The following EFCAB7 variants were observed in gnomAD, a reference collection of about 807,000 sequenced individuals.
EFCAB7 encodes EF-hand calcium binding domain 7.
Under a neutral mutation model 77.1 loss-of-function variants are expected in EFCAB7, and 66 were observed. The observed-to-expected ratio is 0.86, with a 90% CI of 0.70 to 1.05. The LOEUF (loss-of-function observed/expected upper bound fraction) is 1.05. Ranked by LOEUF, EFCAB7 falls within the 50% of genes least tolerant of loss-of-function variation. The probability of loss-of-function intolerance (pLI) is 0.00; values close to 1 mark genes in which losing one functional copy is unlikely to be tolerated. For missense variants in EFCAB7, 638 were observed against 730.5 expected (o/e 0.87, Z 1.46); for synonymous variants, 225 against 243.3 (o/e 0.92, Z 0.70).
At position 63,532,168 on chromosome 1, in the gene EFCAB7, C is replaced by T. The variant is rs563346524; in HGVS notation, c.399+137C>T. On this transcript the variant is annotated intron_variant, in intron 3 of 13. Transcript: ENST00000371088. ...TGAATTACTTACATGTTATTTATAA[C>T]GTACTTAGGAATCCTTCTGGATGAA... is the stretch of plus-strand genomic sequence containing the variant. 2.5e-4 allele frequency: 168 copies of T among 677,232 alleles called. No homozygotes were observed. The African/African-American group carries it at 2.5e-3, about 10-fold the overall frequency. 42.0% of individuals were successfully genotyped at this position (677,232 alleles called of 1,614,324 possible).
intron 11 of EFCAB7, among the ~76,000 whole-genome samples, chr1:63,565,902 G>A (rs1157520994): frequency 1.3e-5 from 2 of 152,314 alleles, no homozygotes; most frequent in Non-Finnish European, 2.9e-5. Context: ...CACTGTTGGT[G>A]GGAGTGTACA....
intron 4 of EFCAB7, among the ~76,000 whole-genome samples, chr1:63,533,199 T>A (rs920336482): frequency 1.3e-5 from 2 of 152,186 alleles, no homozygotes; most frequent in African/African-American, 2.4e-5. Flanking sequence ...TGTAAAAAAA[T>A]AATAATAAAT....
intron 6 of EFCAB7, 107 bp from the exon 7 acceptor site, chr1:63,545,801 AGCAATGAT>A: frequency 2.3e-6 from 2 of 859,966 alleles, no homozygotes; most frequent in Non-Finnish European, 1.8e-6. Flanking sequence ...ATTCCTGGAG[AGCAATGAT>A]TATATTTGAC....
chr1:63,546,952 GAT>G (rs1646905990), intron 7 of EFCAB7: 1 of 152,102 alleles, frequency 6.6e-6, no homozygotes, highest in African/African-American at 2.4e-5. Context: ...GATTTCCCTA[GAT>G]AACCTTTTTT....
intron 6 of EFCAB7, among the ~76,000 whole-genome samples, chr1:63,540,476 T>G (rs1341089207): frequency 2.0e-5 from 3 of 152,136 alleles, no homozygotes; most frequent in Admixed American, 6.6e-5. Flanking sequence ...TGAGTACATT[T>G]TCTTTTAGAA....
chr1:63,562,652 C>A lies in EFCAB7; in HGVS notation c.1497+795C>A, dbSNP rs543115857. ...GTAGCTAGGACTACAGGTGCATGCC[C>A]CCACGCCCAGCTAATTTTTTAACTT... On this transcript the variant is annotated intron_variant, in intron 11 of 13. Transcript: ENST00000371088. Among the ~76,000 whole-genome samples the A allele has an allele frequency of 1.0e-3, 155 of 149,278 alleles. 2 individuals are homozygous for A. The highest frequency in any genetic ancestry group is 3.5e-3 in the African/African-American group (144 of 40,918).
At chr1:63,566,456 T>C (rs1345810124) in intron 11 of EFCAB7, among the ~76,000 whole-genome samples, 1 of 152,186 alleles carries the variant, frequency 6.6e-6, no homozygotes, top group African/African-American at 2.4e-5. Flanking sequence ...GACACACGTT[T>C]ACCTGTGTAA....
Position 63,572,431 on chromosome 1 carries a change from T to G in EFCAB7, c.1816-11T>G. The G allele has an allele frequency of 6.4e-7, 1 of 1,573,886 alleles. No individual in the cohort carries two copies. The highest frequency in any genetic ancestry group is 8.6e-7 in the Non-Finnish European group (1 of 1,165,190). On this transcript the variant is annotated splice_polypyrimidine_tract_variant and intron_variant, in intron 13 of 13. Coordinates refer to ENST00000371088, the MANE Select transcript of EFCAB7 (RefSeq NM_032437.4). ...AAAAAGAGAGTAAAAGCTTTCTATT[T>G]TTATGTGCAGGTTTGTCAACATGTA...
At chr1:63,574,840 G>A (rs568067532), downstream of EFCAB7, among the ~76,000 whole-genome samples, 7 of 152,292 alleles carry the variant, frequency 4.6e-5, no homozygotes, top group South Asian at 6.2e-4. Flanking sequence ...GTCCTTTTGC[G>A]AGAGCGAGGT....
At chr1:63,549,085 T>C (rs1253608469) in intron 7 of EFCAB7, 2 of 239,218 alleles carry the variant, frequency 8.4e-6, no homozygotes, top group East Asian at 1.3e-4. Flanking sequence ...CAAAAATTAC[T>C]TGGAGCAAAG....
At chr1:63,535,224 TTGTCTC>T (rs1231868297) in intron 6 of EFCAB7, among the ~76,000 whole-genome samples, 2 of 152,066 alleles carry the variant, frequency 1.3e-5, no homozygotes, top group African/African-American at 4.8e-5. Context: ...TAGTAAGACT[TTGTCTC>T]TGTGTCATTA....
intron 7 of EFCAB7, chr1:63,547,111 A>G (rs1646907652): frequency 6.6e-6 from 1 of 152,210 alleles, no homozygotes; most frequent in Non-Finnish European, 1.5e-5. Flanking sequence ...CTTGTGGGAT[A>G]CGTATAATGT....
chr1:63,542,674 T>C (rs985938599), intron 6 of EFCAB7, among the ~76,000 whole-genome samples: 3 of 152,184 alleles, frequency 2.0e-5, no homozygotes, highest in Non-Finnish European at 4.4e-5. Flanking sequence ...TGGTATCTCA[T>C]TGAGGTTATG....
chr1:63,527,566 C>A (rs181284880), intron 2 of EFCAB7, among the ~76,000 whole-genome samples: 1 of 152,072 alleles, frequency 6.6e-6, no homozygotes, highest in Non-Finnish European at 1.5e-5. Flanking sequence ...TAAACCCTGG[C>A]AAAAGATCCA....
intron 11 of EFCAB7, among the ~76,000 whole-genome samples, chr1:63,567,690 G>A (rs1176934153): frequency 1.3e-5 from 2 of 152,156 alleles, no homozygotes; most frequent in Non-Finnish European, 2.9e-5. Flanking sequence ...TCTAGGATCT[G>A]AAAGATCAGG....
Position 63,568,437 on chromosome 1 carries a change from C to G in EFCAB7, c.1625C>G (p.Ala542Gly). The G allele has an allele frequency of 6.3e-7, 1 of 1,588,872 alleles. No homozygotes were observed. Among genetic ancestry groups the G allele is most frequent in the Non-Finnish European group, 8.5e-7 (1 of 1,169,668 alleles). Reference protein sequence around the residue: ...ICKSVLSNGDAKVMDGYENII... With the variant: ...ICKSVLSNGDGKVMDGYENII... ...AAATCTGTTCTTAGCAACGGTGATG[C>G]CAAAGTAATGGATGGCTATGAAAAT... is the stretch of plus-strand genomic sequence containing the variant. Residue 542 changes from alanine (A) to glycine (G), a missense_variant, in exon 12 of 14, where the codon GCC (alanine) becomes GGC (glycine). Ala to Gly is a moderately conservative substitution (Grantham distance 60). Transcript: ENST00000371088.
chr1:63,552,793 T>TTA (rs1485065551), intron 8 of EFCAB7, among the ~76,000 whole-genome samples: 1 of 152,194 alleles, frequency 6.6e-6, no homozygotes, highest in East Asian at 1.9e-4. Flanking sequence ...TGATAGAATG[T>TTA]TATATAAAAG....
chr1:63,558,622 G>A (rs1647056872), intron 10 of EFCAB7, among the ~76,000 whole-genome samples: 1 of 152,128 alleles, frequency 6.6e-6, no homozygotes, highest in Non-Finnish European at 1.5e-5. Context: ...GCAAAGAAAT[G>A]AGAGCTTTTA....
the EFCAB7 span, among the ~76,000 whole-genome samples, chr1:63,583,735 G>A: frequency 6.6e-6 from 1 of 151,966 alleles, no homozygotes; most frequent in Admixed American, 6.6e-5. Context: ...ATAAAAGACT[G>A]AAAGATTAAA....
Sources: gnomAD v4.1 joint callset for allele counts (sites outside exome capture counted in the v4.1 genomes callset) on GRCh38, gnomAD v4.1.1 for gene constraint, MANE v1.5 for transcripts, NCBI Gene and HGNC (gene_info 2026-07-23, HGNC 2026-07-21) for gene names.